L3MBTL4: variants seen among roughly 807,000 people sequenced by gnomAD.
L3MBTL4 encodes lethal(3)malignant brain tumor-like protein 4.
Under a neutral mutation model 84.5 loss-of-function variants are expected in L3MBTL4, and 70 were observed. That is an observed-to-expected ratio of 0.83 (90% CI 0.68 to 1.01). The LOEUF is 1.01. L3MBTL4 is among the 50% of genes least tolerant of loss of function. The probability of loss-of-function intolerance (pLI) is 0.00; values close to 1 mark genes in which losing one functional copy is unlikely to be tolerated. For missense variants in L3MBTL4, 715 were observed against 754.8 expected (o/e 0.95, Z 0.62); for synonymous variants, 274 against 259.8 (o/e 1.05, Z -0.52).
At chr18:6,076,359 T>G (rs2057855073) in intron 16 of L3MBTL4, among the ~76,000 whole-genome samples, 1 of 152,206 alleles carries the variant, frequency 6.6e-6, no homozygotes. Context: ...AAAGTGTACA[T>G]AACATCTGAT....
chr18:6,164,200 A>G (rs1429900426), intron 13 of L3MBTL4, among the ~76,000 whole-genome samples: 2 of 152,232 alleles, frequency 1.3e-5, no homozygotes, highest in Non-Finnish European at 2.9e-5. Context: ...AACTGGGTGG[A>G]GCCCACCACA....
At chr18:6,183,814 C>T (rs538223349) in intron 12 of L3MBTL4, among the ~76,000 whole-genome samples, 68 of 152,232 alleles carry the variant, frequency 4.5e-4, no homozygotes, top group African/African-American at 1.5e-3. Flanking sequence ...TATTCAATAA[C>T]TCTAAGTATT....
At chr18:6,388,584 G>A (rs1599873060) in intron 1 of L3MBTL4, among the ~76,000 whole-genome samples, 1 of 152,292 alleles carries the variant, frequency 6.6e-6, no homozygotes, top group Non-Finnish European at 1.5e-5. Flanking sequence ...GAAAGGATGA[G>A]AGAGGGAAAT....
chr18:6,227,142 C>T lies in L3MBTL4; in HGVS notation c.784+10822G>A, dbSNP rs377743092. ...CCTAATAAGAGTGCTTCAAAATATA[C>T]AAAGCAAAAAACTATAGAATAAAAA... On this transcript the variant is annotated intron_variant, in intron 10 of 18. Coordinates refer to ENST00000317931, the MANE Select transcript of L3MBTL4 (RefSeq NM_001330559.2). Among the ~76,000 whole-genome samples, 6 of 152,132 alleles carry T rather than the reference C, an allele frequency of 3.9e-5. No individual in the cohort carries two copies. In the South Asian group the frequency reaches 6.2e-4, roughly 16 times the overall value.
intron 1 of L3MBTL4, among the ~76,000 whole-genome samples, chr18:6,370,269 A>G (rs1191186025): frequency 6.6e-6 from 1 of 152,180 alleles, no homozygotes; most frequent in Non-Finnish European, 1.5e-5. Context: ...TGCCTAGCAG[A>G]GAGCAGGCAT....
At chr18:6,043,863 T>C (rs973134825) in intron 16 of L3MBTL4, among the ~76,000 whole-genome samples, 3 of 152,218 alleles carry the variant, frequency 2.0e-5, no homozygotes, top group African/African-American at 7.2e-5. Context: ...GAAAATGACT[T>C]TTTAAATCTC....
At chr18:5,985,750 G>A (rs1260671060) in intron 16 of L3MBTL4, among the ~76,000 whole-genome samples, 1 of 152,198 alleles carries the variant, frequency 6.6e-6, no homozygotes, top group Non-Finnish European at 1.5e-5. Flanking sequence ...GTCTTAAGGT[G>A]TGATGTCCAT....
chr18:6,329,062 C>A (rs1349912022), intron 1 of L3MBTL4, among the ~76,000 whole-genome samples: 1 of 152,050 alleles, frequency 6.6e-6, no homozygotes, highest in Non-Finnish European at 1.5e-5. Flanking sequence ...TACCCTTGGT[C>A]ACTACTTCAA....
intron 1 of L3MBTL4, among the ~76,000 whole-genome samples, chr18:6,333,284 A>T (rs190322179): frequency 6.6e-6 from 1 of 152,142 alleles, no homozygotes; most frequent in Non-Finnish European, 1.5e-5. Flanking sequence ...AGAAAACAAC[A>T]TCTAATTGGG....
At chr18:6,256,522 A>G (rs1457137498) in intron 5 of L3MBTL4, among the ~76,000 whole-genome samples, 4 of 151,454 alleles carry the variant, frequency 2.6e-5, no homozygotes, top group Admixed American at 2.6e-4. Flanking sequence ...TTCAGGACAT[A>G]AAGTCTTTCT....
intron 18 of L3MBTL4, 39 bp from the exon 19 acceptor site, chr18:5,956,426 C>T (rs3737354): frequency 0.39 from 626,683 of 1,599,398 alleles, 124,413 homozygotes; most frequent in East Asian, 0.48. Flanking sequence ...AAATGTTTTG[C>T]CACGGAAGCC....
intron 3 of L3MBTL4, 29 bp downstream of exon 3, chr18:6,311,525 G>A (rs756070923): frequency 6.3e-7 from 1 of 1,594,540 alleles, no homozygotes. Flanking sequence ...CACACACTGT[G>A]AGGAAGGGTC....
chr18:6,282,410 CAACACATGTACCTATAATTAGGCAAAGGA>C (rs1448747802), intron 4 of L3MBTL4, among the ~76,000 whole-genome samples: 1 of 152,078 alleles, frequency 6.6e-6, no homozygotes, highest in Non-Finnish European at 1.5e-5. Context: ...GAGCTTTTAG[CAACACATGTACCTATAATTAGGCAAAGGA>C]AGGACTTGGA....
intron 16 of L3MBTL4, among the ~76,000 whole-genome samples, chr18:6,036,028 C>G (rs547507788): frequency 6.6e-6 from 1 of 152,218 alleles, no homozygotes; most frequent in East Asian, 1.9e-4. Context: ...AATATTGGCC[C>G]ATTATCTCTG....
At chr18:5,998,333 C>A (rs75674344) in intron 16 of L3MBTL4, among the ~76,000 whole-genome samples, 1 of 152,144 alleles carries the variant, frequency 6.6e-6, no homozygotes, top group Admixed American at 6.5e-5. Flanking sequence ...CCCTGCGCTG[C>A]GTCTGCAGAG....
chr18:6,395,470 G>A (rs2144581834), intron 1 of L3MBTL4: 1 of 152,156 alleles, frequency 6.6e-6, no homozygotes, highest in South Asian at 2.1e-4. Context: ...CAAGAGGAAG[G>A]GAAACTTTCT....
At chr18:6,409,333 T>G (rs1195780257) in intron 1 of L3MBTL4, among the ~76,000 whole-genome samples, 1 of 152,180 alleles carries the variant, frequency 6.6e-6, no homozygotes, top group Non-Finnish European at 1.5e-5. Flanking sequence ...ATTTTTTATA[T>G]GTTGTCACTC....
rs555332436 is a variant in L3MBTL4, at chr18:5,977,175, A to G, written c.1445-7613T>C. Among the ~76,000 whole-genome samples the G allele has an allele frequency of 3.2e-4, 49 of 152,288 alleles. No individual in the cohort carries two copies. In the East Asian group the frequency reaches 6.6e-3, roughly 20 times the overall value. Reference sequence around the variant, plus strand: ...CTCAGCCCCACTGCCTGCTCCACACAGTGGCATCTCTGAGGACTGAGAGGC... The same window carrying G: ...CTCAGCCCCACTGCCTGCTCCACACGGTGGCATCTCTGAGGACTGAGAGGC... On this transcript the variant is annotated intron_variant, in intron 16 of 18. Coordinates refer to ENST00000317931, the MANE Select transcript of L3MBTL4 (RefSeq NM_001330559.2).
intron 1 of L3MBTL4, among the ~76,000 whole-genome samples, chr18:6,380,528 A>G (rs1373227262): frequency 2.6e-5 from 4 of 152,086 alleles, no homozygotes; most frequent in Non-Finnish European, 2.9e-5. Flanking sequence ...TGTTGTTCTC[A>G]TTGGTTTCAA....
Sources: gnomAD v4.1 joint callset for allele counts (sites outside exome capture counted in the v4.1 genomes callset) on GRCh38, gnomAD v4.1.1 for gene constraint, MANE v1.5 for transcripts, NCBI Gene and HGNC (gene_info 2026-07-23, HGNC 2026-07-21) for gene names.